Variants in MEI4 observed in about 807,000 individuals in gnomAD.
MEI4 encodes the protein meiotic double-stranded break formation protein 4.
MEI4 carries 27 observed loss-of-function variants against 31.4 expected under a neutral mutation model. The ratio of observed to expected loss-of-function variants is 0.86; its 90% confidence interval spans 0.63 to 1.19. MEI4 has a LOEUF of 1.19. MEI4 is among the 50% of genes most tolerant of loss of function. MEI4 has a pLI of 0.00. For synonymous variants in MEI4, 122 were observed against 145.4 expected, an observed-to-expected ratio of 0.84 and a Z score of 1.16; for missense variants, 329 against 398.9, an observed-to-expected ratio of 0.82 and a Z score of 1.49.
chr6:77,877,495 C>A (rs961087062), intron 4 of MEI4, among the ~76,000 whole-genome samples: 4 of 151,572 alleles, frequency 2.6e-5, no homozygotes, highest in Non-Finnish European at 4.4e-5. Flanking sequence ...TTGCTGACAA[C>A]AGATTTTCTG....
intron 1 of MEI4, among the ~76,000 whole-genome samples, chr6:77,685,857 T>C (rs1769044702): frequency 6.6e-6 from 1 of 152,176 alleles, no homozygotes; most frequent in African/African-American, 2.4e-5. Context: ...ATAATGTTTA[T>C]TGTGACAGTT....
intron 2 of MEI4, among the ~76,000 whole-genome samples, chr6:77,732,405 T>C (rs1358083250): frequency 1.3e-5 from 2 of 152,074 alleles, no homozygotes; most frequent in Non-Finnish European, 1.5e-5. Flanking sequence ...GAATGGGAGT[T>C]CACTCATGAT....
At chr6:77,774,280 A>T (rs1439395733) in intron 3 of MEI4, among the ~76,000 whole-genome samples, 1 of 152,106 alleles carries the variant, frequency 6.6e-6, no homozygotes, top group Admixed American at 6.6e-5. Context: ...TCATCAGACG[A>T]ATGGATAAAT....
In MEI4 at chr6:77,889,910, G is replaced by A. The variant is rs544141070; in HGVS notation, c.901-33179G>A. Reference sequence around the variant, plus strand: ...AGCCCCAAGACTTGGAGGCTTACACGTGGGGTTGGGCCTATGGGTACACAG... The same window carrying A: ...AGCCCCAAGACTTGGAGGCTTACACATGGGGTTGGGCCTATGGGTACACAG... On this transcript the variant is annotated intron_variant, in intron 4 of 4. Coordinates refer to ENST00000684080, the MANE Select transcript of MEI4 (RefSeq NM_001322247.2). Among the ~76,000 whole-genome samples the A allele has an allele frequency of 8.5e-5, 13 of 152,354 alleles. No individual in the cohort carries two copies. In the East Asian group the frequency reaches 1.7e-3, roughly 20 times the overall value.
At chr6:77,873,591 A>G (rs1771253820) in intron 4 of MEI4, among the ~76,000 whole-genome samples, 1 of 152,214 alleles carries the variant, frequency 6.6e-6, no homozygotes, top group Non-Finnish European at 1.5e-5. Context: ...TTTGCTGTGC[A>G]GAAGCTCTTT....
At chr6:77,806,142 T>C (rs1197924396) in intron 3 of MEI4, among the ~76,000 whole-genome samples, 2 of 152,180 alleles carry the variant, frequency 1.3e-5, no homozygotes, top group African/African-American at 4.8e-5. Flanking sequence ...ACAGAGCATG[T>C]ACATAAAGTG....
intron 2 of MEI4, among the ~76,000 whole-genome samples, chr6:77,691,994 A>G (rs1769166250): frequency 6.6e-6 from 1 of 152,068 alleles, no homozygotes; most frequent in Non-Finnish European, 1.5e-5. Flanking sequence ...GCTTCGCATT[A>G]GATTCAGGCT....
chr6:77,703,196 T>A (rs1314310481), intron 2 of MEI4, among the ~76,000 whole-genome samples: 1 of 152,208 alleles, frequency 6.6e-6, no homozygotes, highest in Non-Finnish European at 1.5e-5. Context: ...AAATGGTCTA[T>A]GTGAGGGTTC....
chr6:77,834,408 T>G (rs1308335100), intron 4 of MEI4, among the ~76,000 whole-genome samples: 1 of 147,562 alleles, frequency 6.8e-6, no homozygotes, highest in Non-Finnish European at 1.5e-5. Context: ...AATATAAAAT[T>G]ATATTATATA....
Position 77,925,653 on chromosome 6 carries a change from AAGAT to A in MEI4, c.*2310_*2313del, listed in dbSNP as rs1169324256. On this transcript the variant is annotated 3_prime_UTR_variant, in exon 5 of 5. Coordinates refer to ENST00000684080, the MANE Select transcript of MEI4 (RefSeq NM_001322247.2). The stretch of plus-strand genomic sequence containing the variant: ...ATTGGGCAGCATTGAAACTGGATAT[AAGAT>A]AGGATAGGAAATAAAGAGAACCATA... 1.3e-5 allele frequency: 2 copies of A among 151,478 alleles called. No homozygotes were observed. The highest frequency in any genetic ancestry group is 3.0e-5 in the Non-Finnish European group (2 of 67,736). The allele number at this position is 151,478 out of a possible 1,614,324, so 9.4% of individuals were successfully genotyped here.
intron 3 of MEI4, among the ~76,000 whole-genome samples, chr6:77,766,488 A>G (rs1768178044): frequency 1.3e-5 from 2 of 152,146 alleles, no homozygotes; most frequent in Non-Finnish European, 2.9e-5. Context: ...ATCTCGGCTC[A>G]CTGCAAGCTC....
chr6:77,877,380 T>C lies in MEI4; in HGVS notation c.901-45709T>C, dbSNP rs575499477. 3.3e-5 allele frequency among the ~76,000 whole-genome samples: 5 copies of C among 152,194 alleles called. No homozygotes were observed. In the East Asian group the frequency reaches 5.8e-4, roughly 18 times the overall value. On this transcript the variant is annotated intron_variant, in intron 4 of 4. Transcript: ENST00000684080. ...TTGAAACATATGTCATTGCTCAGCTTTTTATGGCCAAATATTCAGAAAACA... is the reference window on the plus strand; with the variant it reads ...TTGAAACATATGTCATTGCTCAGCTCTTTATGGCCAAATATTCAGAAAACA...
chr6:77,910,559 A>T lies in MEI4; in HGVS notation c.901-12530A>T, dbSNP rs548716003. Among the ~76,000 whole-genome samples, 5 of 152,344 alleles carry T rather than the reference A, an allele frequency of 3.3e-5. No homozygotes were observed. The South Asian group carries it at 1.0e-3, about 32-fold the overall frequency. ...ACTGCTCAATGAAATAAAAGAGGAT[A>T]CAAACAAATGGAAGAACATTCCACG... is the stretch of plus-strand genomic sequence containing the variant. On this transcript the variant is annotated intron_variant, in intron 4 of 4. Transcript: ENST00000684080.
intron 3 of MEI4, among the ~76,000 whole-genome samples, chr6:77,769,750 GA>G (rs1408524915): frequency 1.3e-5 from 2 of 152,130 alleles, no homozygotes; most frequent in African/African-American, 4.8e-5. Context: ...CCATGGGCCA[GA>G]AGGGAACCCA....
At chr6:77,884,371 G>A (rs9343686) in intron 4 of MEI4, among the ~76,000 whole-genome samples, 7,291 of 152,134 alleles carry the variant, frequency 0.048, 432 homozygotes, top group African/African-American at 0.14. Flanking sequence ...ATAGTAATAT[G>A]TGTCTATTAT....
intron 4 of MEI4, among the ~76,000 whole-genome samples, chr6:77,837,748 G>T (rs927782548): frequency 6.6e-6 from 1 of 152,020 alleles, no homozygotes; most frequent in Non-Finnish European, 1.5e-5. Context: ...CCAAAAAATG[G>T]AATACATAAT....
upstream of MEI4, among the ~76,000 whole-genome samples, chr6:77,650,821 G>A (rs1033636485): frequency 6.6e-6 from 1 of 152,244 alleles, no homozygotes; most frequent in Non-Finnish European, 1.5e-5. Flanking sequence ...GATTTCTGTG[G>A]TATATGCCAG....
At chr6:77,732,660 C>G (rs534388486) in intron 2 of MEI4, among the ~76,000 whole-genome samples, 1 of 152,124 alleles carries the variant, frequency 6.6e-6, no homozygotes, top group East Asian at 1.9e-4. Context: ...ACTTCCAACA[C>G]TATGTTGAAT....
chr6:77,733,187 G>C (rs1048282867), intron 2 of MEI4, among the ~76,000 whole-genome samples: 2 of 151,826 alleles, frequency 1.3e-5, no homozygotes, highest in Admixed American at 6.6e-5. Flanking sequence ...GATTGGAATA[G>C]TTTCAGAAGG....
Sources: allele counts gnomAD v4.1 joint callset (sites outside exome capture counted in the v4.1 genomes callset), GRCh38; gene constraint gnomAD v4.1.1; transcripts MANE v1.5; gene names NCBI Gene and HGNC (gene_info 2026-07-23, HGNC 2026-07-21).